RALY: variants seen among roughly 807,000 people sequenced by gnomAD.
RALY encodes RALY heterogeneous nuclear ribonucleoprotein.
RALY carries 15 observed loss-of-function variants against 30.7 expected under a neutral mutation model. That is an observed-to-expected ratio of 0.49 (90% CI 0.33 to 0.75). The LOEUF (loss-of-function observed/expected upper bound fraction) is 0.75, where lower values mean the gene tolerates loss of function less well. RALY is among the 30% of genes least tolerant of loss of function. The pLI is 0.02. For synonymous variants in RALY, 177 were observed against 170.8 expected, an observed-to-expected ratio of 1.04 and a Z score of -0.28; for missense variants, 339 against 414.3, an observed-to-expected ratio of 0.82 and a Z score of 1.58.
chr20:34,081,579 G>A lies in RALY; in HGVS notation c.*1674G>A, dbSNP rs1008924227. The stretch of plus-strand genomic sequence containing the variant: ...AAAACTCCCCATTTCAAACCAACCC[G>A]GTCTACAGCCTCCAGGGAAGCTTCC... On this transcript the variant is annotated 3_prime_UTR_variant, in exon 10 of 10. Transcript: ENST00000246194. 7.9e-5 allele frequency: 12 copies of A among 152,202 alleles called. No homozygotes were observed. The highest frequency in any genetic ancestry group is 3.3e-4 in the Admixed American group (5 of 15,286). The allele number at this position is 152,202 out of a possible 1,614,324, so 9.4% of individuals were successfully genotyped here.
intron 5 of RALY, among the ~76,000 whole-genome samples, chr20:34,074,067 A>C (rs73904767): frequency 1.3e-5 from 2 of 152,116 alleles, no homozygotes; most frequent in Non-Finnish European, 2.9e-5. Flanking sequence ...ACCACCATAC[A>C]ACACTGTCTG....
At chr20:34,039,296 C>T (rs1382525593) in intron 2 of RALY, among the ~76,000 whole-genome samples, 1 of 152,216 alleles carries the variant, frequency 6.6e-6, no homozygotes, top group African/African-American at 2.4e-5. Flanking sequence ...AAGAGAAGAT[C>T]ATAATGGCCT....
chr20:34,057,757 A>G (rs533383347), intron 2 of RALY, among the ~76,000 whole-genome samples: 38 of 152,146 alleles, frequency 2.5e-4, no homozygotes, highest in Admixed American at 2.4e-3. Flanking sequence ...GTAGAGGATT[A>G]TTTAAAGAAT....
Position 34,084,255 on chromosome 20 carries a change from ATGC to A in RALY, c.*4354_*4356del, listed in dbSNP as rs1339490164. 6.6e-6 allele frequency: 1 copy of A among 152,154 alleles called. No individual in the cohort carries two copies. The highest frequency in any genetic ancestry group is 2.4e-5 in the African/African-American group (1 of 41,420). 9.4% of individuals were successfully genotyped at this position (152,154 alleles called of 1,614,324 possible). A position where few individuals can be genotyped will look rare whatever the true frequency, so the allele number is the denominator to read the frequency against. On this transcript the variant is annotated 3_prime_UTR_variant, in exon 10 of 10. Transcript: ENST00000246194. ...GAGATCATTTGCACCTAGGAGGTTA[ATGC>A]TGCGGTGAGCCATGATCCTGCCGCT...
At chr20:34,061,158 A>G (rs2033404160) in intron 2 of RALY, among the ~76,000 whole-genome samples, 1 of 152,204 alleles carries the variant, frequency 6.6e-6, no homozygotes, top group African/African-American at 2.4e-5. Flanking sequence ...CTTCAGGAAT[A>G]TACCCCCAGG....
At chr20:34,029,556 C>A (rs1398062985) in intron 1 of RALY, among the ~76,000 whole-genome samples, 1 of 146,684 alleles carries the variant, frequency 6.8e-6, no homozygotes, top group Non-Finnish European at 1.5e-5. Flanking sequence ...AAAAAAAAAC[C>A]CACAAGGATT....
At chr20:34,032,635 A>G (rs1003178233) in intron 2 of RALY, among the ~76,000 whole-genome samples, 9 of 152,064 alleles carry the variant, frequency 5.9e-5, no homozygotes, top group African/African-American at 2.2e-4. Flanking sequence ...AGCTGGAATT[A>G]CAGATGTGTA....
chr20:34,005,307 C>A (rs1428374877), intron 1 of RALY, among the ~76,000 whole-genome samples: 1 of 151,972 alleles, frequency 6.6e-6, no homozygotes, highest in South Asian at 2.1e-4. Context: ...GTCAGGAGAT[C>A]GAGACCATCC....
At chr20:34,076,597 CAAAAA>C in intron 6 of RALY, 100 bp from the exon 7 acceptor site, 1 of 1,049,566 alleles carries the variant, frequency 9.5e-7, no homozygotes, top group Non-Finnish European at 1.4e-6. Context: ...CAAAACAAAA[CAAAAA>C]ATAACTGCTT....
chr20:34,037,878 T>C (rs1422501798), intron 2 of RALY, among the ~76,000 whole-genome samples: 1 of 152,130 alleles, frequency 6.6e-6, no homozygotes, highest in Admixed American at 6.5e-5. Context: ...TGTCTGCCAG[T>C]GTAATCATCA....
At position 34,081,948 on chromosome 20, in the gene RALY, A is replaced by C. The variant is rs561343600; in HGVS notation, c.*2043A>C. 6.6e-6 allele frequency: 1 copy of C among 152,440 alleles called. No homozygotes were observed. Among genetic ancestry groups the C allele is most frequent in the East Asian group, 1.9e-4 (1 of 5,200 alleles). The allele number at this position is 152,440 out of a possible 1,614,324, so 9.4% of individuals were successfully genotyped here. On this transcript the variant is annotated 3_prime_UTR_variant, in exon 10 of 10. Coordinates refer to ENST00000246194, the MANE Select transcript of RALY (RefSeq NM_016732.3). Reference sequence around the variant, plus strand: ...GCAGGGAGAGAGTAGAGATTTGTCAAGAGCCCATGGTGGAGGCTGAGGCCC... The same window carrying C: ...GCAGGGAGAGAGTAGAGATTTGTCACGAGCCCATGGTGGAGGCTGAGGCCC...
chr20:34,077,297 A>C, intron 8 of RALY, 52 bp downstream of exon 8: 1 of 1,606,032 alleles, frequency 6.2e-7, no homozygotes, highest in Non-Finnish European at 8.5e-7. Context: ...TCCTACTCTC[A>C]GGAGGCCAAC....
chr20:34,071,968 G>A, intron 2 of RALY, 98 bp from the exon 3 acceptor site: 1 of 1,357,698 alleles, frequency 7.4e-7, no homozygotes, highest in Non-Finnish European at 1.0e-6. Context: ...TAAGGGTTAA[G>A]GAAGGTAAGA....
chr20:34,079,393 C>G (rs556341957), intron 9 of RALY, among the ~76,000 whole-genome samples: 2 of 152,304 alleles, frequency 1.3e-5, no homozygotes, highest in East Asian at 3.9e-4. Flanking sequence ...GAAAGCCAGG[C>G]CACACCTGGC....
chr20:34,033,349 T>C (rs1169066549), intron 2 of RALY: 2 of 152,238 alleles, frequency 1.3e-5, no homozygotes, highest in Non-Finnish European at 2.9e-5. Flanking sequence ...GTGTCTGTCT[T>C]AGCTCGTTTT....
chr20:34,029,116 A>G (rs1323352202), intron 1 of RALY, among the ~76,000 whole-genome samples: 2 of 152,152 alleles, frequency 1.3e-5, no homozygotes, highest in East Asian at 3.8e-4. Flanking sequence ...GTTTCAAGAA[A>G]TATGCCAGCA....
At chr20:34,009,345 TCTC>T (rs2031299447) in intron 1 of RALY, among the ~76,000 whole-genome samples, 1 of 151,950 alleles carries the variant, frequency 6.6e-6, no homozygotes. Flanking sequence ...TTCAAGTAAT[TCTC>T]CTGTCTCAGT....
In RALY at chr20:34,072,134, C is replaced by T. The variant is rs2122289425; in HGVS notation, c.60C>T (p.Asn20=). The change falls in exon 3 of 10, where the codon AAC becomes AAT. Residue 20 remains asparagine (N), a synonymous_variant. Coordinates refer to ENST00000246194, the MANE Select transcript of RALY (RefSeq NM_016732.3). ...VTNKNDPKSI[N]SRVFIGNLNT... is the part of the protein sequence containing the mutation. Reference sequence around the variant, plus strand: ...ACAAGAATGACCCCAAGTCCATCAACTCTCGAGTCTTCATTGGAAACCTCA... The same window carrying T: ...ACAAGAATGACCCCAAGTCCATCAATTCTCGAGTCTTCATTGGAAACCTCA... 6.2e-7 allele frequency: 1 copy of T among 1,614,254 alleles called. No individual in the cohort carries two copies. Among genetic ancestry groups the T allele is most frequent in the Non-Finnish European group, 8.5e-7 (1 of 1,180,046 alleles).
chr20:34,007,820 CAAAAAAA>C lies in RALY; in HGVS notation c.-93+13704_-93+13710del, dbSNP rs10649045. Among the ~76,000 whole-genome samples, 4 of 101,608 alleles carry C rather than the reference CAAAAAAA, an allele frequency of 3.9e-5. No homozygotes were observed. In the South Asian group the frequency reaches 1.1e-3, roughly 28 times the overall value. 66.7% of individuals were successfully genotyped at this position (101,608 alleles called of 152,430 possible). ...GGGCAATAAGAGCGAAACTCCGTCT[CAAAAAAA>C]AAAAAAAAAAAAAAGTTCCCTGGGC... is the stretch of plus-strand genomic sequence containing the variant. On this transcript the variant is annotated intron_variant, in intron 1 of 9. Transcript: ENST00000246194.
Sources: allele counts gnomAD v4.1 joint callset (sites outside exome capture counted in the v4.1 genomes callset), GRCh38; gene constraint gnomAD v4.1.1; transcripts MANE v1.5; gene names NCBI Gene and HGNC (gene_info 2026-07-23, HGNC 2026-07-21).